Variants in HSDL1 observed in about 807,000 individuals in gnomAD.
HSDL1 encodes the protein hydroxysteroid dehydrogenase like 1, also known as inactive hydroxysteroid dehydrogenase-like protein 1.
HSDL1 carries 29 observed loss-of-function variants against 31.5 expected under a neutral mutation model. The observed-to-expected ratio is 0.92, with a 90% CI of 0.69 to 1.26. The LOEUF (loss-of-function observed/expected upper bound fraction) is 1.26. HSDL1 is among the 50% of genes most tolerant of loss of function. HSDL1 has a pLI of 0.00. For synonymous variants in HSDL1, 222 were observed against 155.2 expected (o/e 1.43, Z -3.20); for missense variants, 503 against 416.6 (o/e 1.21, Z -1.81).
intron 2 of HSDL1, among the ~76,000 whole-genome samples, chr16:84,134,209 G>T (rs1027021598): frequency 6.6e-6 from 1 of 152,090 alleles, no homozygotes; most frequent in African/African-American, 2.4e-5. Context: ...CCTGCTGCTG[G>T]ATATGCTGAT....
chr16:84,137,364 G>A (rs1034517198), intron 1 of HSDL1, among the ~76,000 whole-genome samples: 4 of 152,340 alleles, frequency 2.6e-5, no homozygotes, highest in African/African-American at 9.6e-5. Context: ...CCTGTGTGAC[G>A]CCCCATGTGT....
At position 84,139,018 on chromosome 16, in the gene HSDL1, G is replaced by A. The variant is rs999602077; in HGVS notation, c.-68-3413C>T. The stretch of plus-strand genomic sequence containing the variant: ...GGAGGAAAGTCTTGGCTGAAACATG[G>A]ACATTACCAAGCTATCCAAATGCGT... On this transcript the variant is annotated intron_variant, in intron 1 of 5. Transcript: ENST00000219439. Among the ~76,000 whole-genome samples the A allele has an allele frequency of 2.0e-5, 3 of 152,188 alleles. No homozygotes were observed. The East Asian group carries it at 5.8e-4, about 29-fold the overall frequency.
At chr16:84,142,671 C>A (rs1249338699) in intron 1 of HSDL1, among the ~76,000 whole-genome samples, 1 of 151,856 alleles carries the variant, frequency 6.6e-6, no homozygotes, top group Non-Finnish European at 1.5e-5. Flanking sequence ...GTCTTGAACT[C>A]CTGACCTTGT....
At chr16:84,135,941 C>A (rs759602828) in intron 1 of HSDL1, among the ~76,000 whole-genome samples, 2 of 152,246 alleles carry the variant, frequency 1.3e-5, no homozygotes, top group Non-Finnish European at 2.9e-5. Flanking sequence ...TGGGGAAACA[C>A]CGCCCAGGCA....
chr16:84,129,017 A>G (rs1567518912), intron 5 of HSDL1, among the ~76,000 whole-genome samples: 1 of 152,114 alleles, frequency 6.6e-6, no homozygotes, highest in East Asian at 1.9e-4. Flanking sequence ...CCAAAGTAGT[A>G]TATTTCACTT....
rs990090604 is a variant in HSDL1, at chr16:84,131,436, C to T, written c.-6-109G>A. The T allele has an allele frequency of 9.9e-5, 73 of 736,252 alleles. No homozygotes were observed. The South Asian group carries it at 1.1e-3, about 11-fold the overall frequency. The allele number at this position is 736,252 out of a possible 1,614,324, so 45.6% of individuals were successfully genotyped here. ...AGGGCATCAGATCTTGTCAATTGTA[C>T]GTTCAAATAACACTAACTTTTCAAA... On this transcript the variant is annotated intron_variant, in intron 2 of 5. Transcript: ENST00000219439.
intron 2 of HSDL1, among the ~76,000 whole-genome samples, chr16:84,134,994 G>C (rs2086699478): frequency 6.6e-6 from 1 of 152,180 alleles, no homozygotes; most frequent in Admixed American, 6.5e-5. Context: ...AGCACTTTGG[G>C]AGGCCGAGAC....
chr16:84,140,304 T>C (rs1330178380), intron 1 of HSDL1, among the ~76,000 whole-genome samples: 1 of 152,216 alleles, frequency 6.6e-6, no homozygotes, highest in African/African-American at 2.4e-5. Flanking sequence ...TTGTTCTGTC[T>C]TCCAGGCTGG....
At chr16:84,136,380 C>T (rs2086712507) in intron 1 of HSDL1, among the ~76,000 whole-genome samples, 2 of 152,254 alleles carry the variant, frequency 1.3e-5, no homozygotes, top group Middle Eastern at 3.2e-3. Context: ...AGGCTATAGT[C>T]CTCCAGGGCA....
chr16:84,134,520 G>A (rs956146575), intron 2 of HSDL1, among the ~76,000 whole-genome samples: 1 of 152,016 alleles, frequency 6.6e-6, no homozygotes, highest in African/African-American at 2.4e-5. Context: ...GCTGAGGAAG[G>A]AGAATCACTT....
At chr16:84,136,894 A>G (rs776864528) in intron 1 of HSDL1, among the ~76,000 whole-genome samples, 1 of 152,228 alleles carries the variant, frequency 6.6e-6, no homozygotes, top group Non-Finnish European at 1.5e-5. Context: ...AGCTCAAGAC[A>G]AAGAAATCTG....
At chr16:84,130,483 T>G in intron 3 of HSDL1, 52 bp from the exon 4 acceptor site, 1 of 1,459,248 alleles carries the variant, frequency 6.9e-7, no homozygotes, top group Non-Finnish European at 9.3e-7. Context: ...GTGTGACCCT[T>G]AAAATGGACC....
At chr16:84,125,338 C>A (rs2086595637) in intron 5 of HSDL1, 1 of 146,698 alleles carries the variant, frequency 6.8e-6, no homozygotes, top group East Asian at 2.2e-4. Context: ...ACAACAAATA[C>A]CTACCAATCA....
chr16:84,143,031 C>T (rs138230760), intron 1 of HSDL1, among the ~76,000 whole-genome samples: 7 of 152,312 alleles, frequency 4.6e-5, no homozygotes, highest in African/African-American at 1.7e-4. Context: ...CAAGATCCAA[C>T]ACTCTTCACC....
At chr16:84,138,428 T>C (rs1410074146) in intron 1 of HSDL1, among the ~76,000 whole-genome samples, 1 of 152,116 alleles carries the variant, frequency 6.6e-6, no homozygotes, top group Non-Finnish European at 1.5e-5. Flanking sequence ...AATACCAAAT[T>C]GTAGGCTTAA....
At chr16:84,131,523 A>G (rs1469448774) in intron 2 of HSDL1, among the ~76,000 whole-genome samples, 196 bp from the exon 3 acceptor site, 1 of 144,062 alleles carries the variant, frequency 6.9e-6, no homozygotes, top group Admixed American at 6.7e-5. Context: ...CTATCTATCT[A>G]TCTATCTATC....
At chr16:84,132,367 C>T (rs769216768) in intron 2 of HSDL1, among the ~76,000 whole-genome samples, 3 of 152,046 alleles carry the variant, frequency 2.0e-5, no homozygotes, top group African/African-American at 7.2e-5. Context: ...AAAACCTTTA[C>T]ATCAATTAAA....
intron 1 of HSDL1, among the ~76,000 whole-genome samples, chr16:84,144,119 G>C (rs537823046): frequency 2.7e-5 from 4 of 147,330 alleles, no homozygotes; most frequent in African/African-American, 7.5e-5. Flanking sequence ...GTAAAATTGA[G>C]AGCTCACTTT....
At chr16:84,134,838 G>C (rs117586200) in intron 2 of HSDL1, among the ~76,000 whole-genome samples, 1,964 of 152,292 alleles carry the variant, frequency 0.013, 26 homozygotes, top group Non-Finnish European at 0.022. Context: ...GGAATAACAA[G>C]CTATGACTAA....
Sources: gnomAD v4.1 joint callset for allele counts (sites outside exome capture counted in the v4.1 genomes callset) on GRCh38, gnomAD v4.1.1 for gene constraint, MANE v1.5 for transcripts, NCBI Gene and HGNC (gene_info 2026-07-23, HGNC 2026-07-21) for gene names.